DNAH17: variants seen among roughly 807,000 people sequenced by gnomAD.
The protein encoded by DNAH17 is dynein axonemal heavy chain 17.
A neutral mutation model predicts 485.6 loss-of-function variants in DNAH17; 376 were observed. That is an observed-to-expected ratio of 0.77 (90% CI 0.71 to 0.84). The LOEUF (loss-of-function observed/expected upper bound fraction) is 0.84, where lower values mean the gene tolerates loss of function less well. Ranked by LOEUF, DNAH17 falls within the 40% of genes least tolerant of loss-of-function variation. DNAH17 has a pLI of 0.00. For synonymous variants in DNAH17, 3,031 were observed against 2,405.9 expected, an observed-to-expected ratio of 1.26 and a Z score of -7.60; for missense variants, 6,370 against 5,839.3, an observed-to-expected ratio of 1.09 and a Z score of -2.96.
intron 11 of DNAH17, among the ~76,000 whole-genome samples, chr17:78,564,315 A>C (rs1008841553): frequency 4.6e-5 from 7 of 152,206 alleles, no homozygotes; most frequent in African/African-American, 1.7e-4. Flanking sequence ...TGTTGGGGAC[A>C]GCAAGACTCT....
In DNAH17 at chr17:78,558,166, T is replaced by A. The variant is rs773979163; in HGVS notation, c.2120A>T (p.Asn707Ile). ...PDSAESLFSENETFRKFVGNL... is the reference protein window; with the variant it reads ...PDSAESLFSEIETFRKFVGNL... Reference sequence around the variant, plus strand: ...GCCCACAAACTTCCGGAAAGTTTCGTTCTCTGAGAACAGACTCTCCGCACT... The same window carrying A: ...GCCCACAAACTTCCGGAAAGTTTCGATCTCTGAGAACAGACTCTCCGCACT... Residue 707 changes from asparagine (N) to isoleucine (I), a missense_variant, in exon 14 of 81, where the codon AAC becomes ATC. Physicochemically the swap from Asn to Ile is moderately radical, Grantham distance 149. Coordinates refer to ENST00000389840, the MANE Select transcript of DNAH17 (RefSeq NM_173628.4). 2 of 1,613,856 alleles carry A rather than the reference T, an allele frequency of 1.2e-6. No individual in the cohort carries two copies. The highest frequency in any genetic ancestry group is 1.7e-6 in the Non-Finnish European group (2 of 1,179,836).
At position 78,434,084 on chromosome 17, in the gene DNAH17, C is replaced by A. The variant is rs2086783269; in HGVS notation, c.12170G>T (p.Gly4057Val). ...CACGTTGATGGAGATGGTGAGGTCC[C>A]CGTTGTTGAAGGGGTACGACCGGTT... The part of the protein sequence containing the change: ...GWNRSYPFNN[G>V]DLTISINVLY... Residue 4057 changes from glycine (G) to valine (V), a missense_variant, in exon 75 of 81, where the codon GGG becomes GTG. Coordinates refer to ENST00000389840, the MANE Select transcript of DNAH17 (RefSeq NM_173628.4). The A allele has an allele frequency of 1.2e-6, 2 of 1,613,282 alleles. No individual in the cohort carries two copies. Among genetic ancestry groups the A allele is most frequent in the African/African-American group, 1.3e-5 (1 of 74,832 alleles).
intron 27 of DNAH17, among the ~76,000 whole-genome samples, chr17:78,509,350 C>G (rs1357687203): frequency 6.6e-6 from 1 of 152,006 alleles, no homozygotes; most frequent in Non-Finnish European, 1.5e-5. Flanking sequence ...CTCTTGAACT[C>G]CTGGGCTCAA....
Position 78,521,565 on chromosome 17 carries a change from C to T in DNAH17, c.3864+3444G>A, listed in dbSNP as rs571789979. Among the ~76,000 whole-genome samples, 7 of 151,988 alleles carry T rather than the reference C, an allele frequency of 4.6e-5. No homozygotes were observed. The South Asian group carries it at 1.5e-3, about 32-fold the overall frequency. On this transcript the variant is annotated intron_variant, in intron 25 of 80. Coordinates refer to ENST00000389840, the MANE Select transcript of DNAH17 (RefSeq NM_173628.4). ...TAACTCAAAATGGCTCATAGACAAACAGAAAGCAGAAAACTATAAAAGCAT... is the reference window on the plus strand; with the variant it reads ...TAACTCAAAATGGCTCATAGACAAATAGAAAGCAGAAAACTATAAAAGCAT...
At chr17:78,484,053 G>A (rs892401336) in intron 48 of DNAH17, among the ~76,000 whole-genome samples, 1 of 122,124 alleles carries the variant, frequency 8.2e-6, no homozygotes. Context: ...CCAAGATCGA[G>A]CCATTGCACT....
chr17:78,443,814 A>C (rs554111329), intron 71 of DNAH17, among the ~76,000 whole-genome samples: 4 of 152,330 alleles, frequency 2.6e-5, no homozygotes, highest in African/African-American at 9.6e-5. Flanking sequence ...CTGGGATTAC[A>C]GGTGTGAGCC....
rs200074339 is a variant in DNAH17 at position 78,554,246 on chromosome 17, C to G, written c.2179-1441G>C. 2.7e-4 allele frequency among the ~76,000 whole-genome samples: 41 copies of G among 152,020 alleles called. No individual in the cohort carries two copies. The East Asian group carries it at 7.9e-3, about 29-fold the overall frequency. ...CTTAAGGTCAGGAGTTCAAGACCAGCCTGGCCAACATGGTGAAATCTTGTC... is the reference window on the plus strand; with the variant it reads ...CTTAAGGTCAGGAGTTCAAGACCAGGCTGGCCAACATGGTGAAATCTTGTC... On this transcript the variant is annotated intron_variant, in intron 14 of 80. Transcript: ENST00000389840.
chr17:78,518,023 A>AG (rs2090835202), intron 25 of DNAH17, among the ~76,000 whole-genome samples: 1 of 152,242 alleles, frequency 6.6e-6, no homozygotes, highest in Admixed American at 6.5e-5. Flanking sequence ...CGCTATGTTC[A>AG]GAATCACTCT....
chr17:78,564,762 G>A (rs2092233769), intron 11 of DNAH17, among the ~76,000 whole-genome samples: 1 of 152,144 alleles, frequency 6.6e-6, no homozygotes, highest in Non-Finnish European at 1.5e-5. Flanking sequence ...TCCAGTGCCT[G>A]ACCTCAGGGA....
At position 78,561,065 on chromosome 17, in the gene DNAH17, CT is replaced by C. The variant is rs2092143570; in HGVS notation, c.1836-131del. On this transcript the variant is annotated intron_variant, in intron 12 of 80. Transcript: ENST00000389840. ...CACCCAATTACTCGAGGCTCACAGA[CT>C]GAATATGCAAACAAGCAGTGGCCAG... 4 of 822,284 alleles carry C rather than the reference CT, an allele frequency of 4.9e-6. No homozygotes were observed. The Admixed American group carries it at 1.0e-4, about 21-fold the overall frequency. The allele number at this position is 822,284 out of a possible 1,614,324, so 50.9% of individuals were successfully genotyped here. A position where few individuals can be genotyped will look rare whatever the true frequency, so the allele number is the denominator to read the frequency against.
In DNAH17 at chr17:78,507,488, C is replaced by A. The variant is rs1230052835; in HGVS notation, c.4554G>T (p.Gln1518His). ...DIRTQLPGDS[Q>H]RFDDINQEFK... ...ATTCCTGGTTGATGTCGTCAAAGCG[C>A]TGGGAGTCCCCCGGGAGCTGGGTGC... Residue 1518 changes from glutamine to histidine, a missense_variant, in exon 28 of 81, where the codon CAG (glutamine) becomes CAT (histidine). Gln to His is a conservative substitution (Grantham distance 24, BLOSUM62 0). Transcript: ENST00000389840. 6.2e-7 allele frequency: 1 copy of A among 1,612,784 alleles called. No individual in the cohort carries two copies.
At position 78,427,099 on chromosome 17, in the gene DNAH17, C is replaced by T. The variant is rs201985449; in HGVS notation, c.12598G>A (p.Val4200Met). The T allele has an allele frequency of 4.5e-5, 70 of 1,572,684 alleles. No individual in the cohort carries two copies. In the East Asian group the frequency reaches 4.7e-4, roughly 11 times the overall value. Residue 4200 changes from valine (V) to methionine (M), a missense_variant, in exon 78 of 81, where the codon GTG (valine) becomes ATG (methionine). Transcript: ENST00000389840. ...GVSREEKVKAVLDDILEKIPE... is the reference protein window; with the variant it reads ...GVSREEKVKAMLDDILEKIPE... ...ATCTTCTCCAGGATGTCGTCCAGCA[C>T]GGCCTTCACCTGGAAGCCAGTCCCC...
At position 78,555,789 on chromosome 17, in the gene DNAH17, A is replaced by G. The variant is rs115864379; in HGVS notation, c.2178+2319T>C. On this transcript the variant is annotated intron_variant, in intron 14 of 80. Transcript: ENST00000389840. ...CTCAGGAAAGCAGATAGCCCTCCCC[A>G]GTGTGGGTGGGTCTCATCCAACCGT... Among the ~76,000 whole-genome samples the G allele has an allele frequency of 4.7e-3, 715 of 152,324 alleles. 6 individuals are homozygous for G. Among genetic ancestry groups the G allele is most frequent in the African/African-American group, 0.015 (638 of 41,580 alleles).
At chr17:78,531,855 T>C (rs547124256) in intron 20 of DNAH17, among the ~76,000 whole-genome samples, 1 of 152,380 alleles carries the variant, frequency 6.6e-6, no homozygotes, top group South Asian at 2.1e-4. Flanking sequence ...TTGAGGTTAT[T>C]ACACTGACAG....
chr17:78,570,335 C>A lies in DNAH17; in HGVS notation c.956G>T (p.Cys319Phe). 6.2e-7 allele frequency: 1 copy of A among 1,609,824 alleles called. No individual in the cohort carries two copies. The highest frequency in any genetic ancestry group is 1.7e-5 in the Admixed American group (1 of 59,416). Residue 319 changes from cysteine to phenylalanine, a missense_variant, in exon 7 of 81, where the codon TGC (cysteine) becomes TTC (phenylalanine). Physicochemically the swap from Cys to Phe is radical, Grantham distance 205. Coordinates refer to ENST00000389840, the MANE Select transcript of DNAH17 (RefSeq NM_173628.4). ...GTACTCAGAGGTGGCCCAGATGAAG[C>A]AGATGGTGTCCAGCACCTTGGCAAT... ...TFIAKVLDTI[C>F]FIWATSEYYN... is the part of the protein sequence containing the mutation.
Position 78,488,443 on chromosome 17 carries a change from C to T in DNAH17, c.6819-1937G>A, listed in dbSNP as rs2089708483. On this transcript the variant is annotated intron_variant, in intron 44 of 80. Transcript: ENST00000389840. ...GTCACTCCTTGGAGGTGTCCAGTTC[C>T]TGCCTTGGCCCACGCTGCCTTCGTT... is the stretch of plus-strand genomic sequence containing the variant. Among the ~76,000 whole-genome samples the T allele has an allele frequency of 3.3e-5, 5 of 152,200 alleles. No homozygotes were observed. The South Asian group carries it at 1.0e-3, about 32-fold the overall frequency.
Position 78,426,934 on chromosome 17 carries a change from C to T in DNAH17, c.12763G>A (p.Gly4255Arg). The T allele has an allele frequency of 6.2e-7, 1 of 1,604,238 alleles. No homozygotes were observed. The change falls in exon 78 of 81, where the codon GGG (glycine) becomes AGG (arginine). Residue 4255 changes from glycine (G) to arginine (R), a missense_variant. Gly to Arg is a moderately radical substitution (Grantham distance 125, BLOSUM62 -2). Coordinates refer to ENST00000389840, the MANE Select transcript of DNAH17 (RefSeq NM_173628.4). The part of the protein sequence containing the change: ...MRRSLKELNL[G>R]LKGELTITTD... ...GGCTGACCCATGTTTACCTTCAGCCCCAGGTTCAGCTCCTTGAGCGAACGG... is the reference window on the plus strand; with the variant it reads ...GGCTGACCCATGTTTACCTTCAGCCTCAGGTTCAGCTCCTTGAGCGAACGG...
intron 13 of DNAH17, 29 bp from the exon 14 acceptor site, chr17:78,558,283 T>A: frequency 6.2e-7 from 1 of 1,610,112 alleles, no homozygotes; most frequent in African/African-American, 1.3e-5. Flanking sequence ...TCAAAGAACA[T>A]GTCAGCAGGT....
At chr17:78,475,609 A>T in intron 53 of DNAH17, 60 bp downstream of exon 53, 1 of 1,605,032 alleles carries the variant, frequency 6.2e-7, no homozygotes, top group Non-Finnish European at 8.5e-7. Flanking sequence ...CGATAATGCA[A>T]CCGGAGAGGG....
Sources: allele counts gnomAD v4.1 joint callset (sites outside exome capture counted in the v4.1 genomes callset), GRCh38; gene constraint gnomAD v4.1.1; transcripts MANE v1.5; gene names NCBI Gene and HGNC (gene_info 2026-07-23, HGNC 2026-07-21).